Variants in CACNA1E observed in about 807,000 individuals in gnomAD.
CACNA1E encodes calcium voltage-gated channel subunit alpha1 E.
Under a neutral mutation model 259.2 loss-of-function variants are expected in CACNA1E, and 40 were observed. The observed-to-expected ratio is 0.15, with a 90% CI of 0.12 to 0.20. The LOEUF is 0.20. Among genes scored for constraint, CACNA1E ranks in the 10% least tolerant of loss-of-function variants. The pLI, the probability that CACNA1E is intolerant of heterozygous loss-of-function variation, is 1.00. For missense variants in CACNA1E, 1,874 were observed against 3,040.1 expected (o/e 0.62, Z 9.02); for synonymous variants, 1,104 against 1,138.5 (o/e 0.97, Z 0.61).
intron 1 of CACNA1E, among the ~76,000 whole-genome samples, chr1:181,406,903 A>T (rs189303140): frequency 6.6e-6 from 1 of 152,288 alleles, no homozygotes; most frequent in East Asian, 1.9e-4. Context: ...AGGCTTCTGT[A>T]GGGCAGGTTA....
At chr1:181,528,849 T>C (rs1339602398) in intron 3 of CACNA1E, among the ~76,000 whole-genome samples, 1 of 152,182 alleles carries the variant, frequency 6.6e-6, no homozygotes, top group Non-Finnish European at 1.5e-5. Flanking sequence ...CATTCTATTT[T>C]AAAAGGGAAA....
chr1:181,427,842 A>G (rs1392874452), intron 2 of CACNA1E, among the ~76,000 whole-genome samples: 1 of 146,956 alleles, frequency 6.8e-6, no homozygotes, highest in Non-Finnish European at 1.5e-5. Context: ...TATATTACAC[A>G]TATAGGTCTT....
chr1:181,388,565 T>C (rs765895033), intron 1 of CACNA1E, among the ~76,000 whole-genome samples: 3 of 152,102 alleles, frequency 2.0e-5, no homozygotes, highest in Non-Finnish European at 4.4e-5. Context: ...CTAATAAACA[T>C]ATATAAGCAT....
chr1:181,351,192 CT>C (rs1216348989), intron 1 of CACNA1E, among the ~76,000 whole-genome samples: 1 of 152,186 alleles, frequency 6.6e-6, no homozygotes, highest in Non-Finnish European at 1.5e-5. Context: ...ACGGGTAGGT[CT>C]GAGCTCCTTA....
intron 6 of CACNA1E, among the ~76,000 whole-genome samples, chr1:181,643,879 G>C (rs1558220376): frequency 1.3e-5 from 2 of 152,114 alleles, no homozygotes; most frequent in Admixed American, 1.3e-4. Flanking sequence ...ACTCATAACG[G>C]CCCCTGGCTA....
chr1:181,340,930 C>A (rs1238039000), intron 1 of CACNA1E, among the ~76,000 whole-genome samples: 1 of 152,144 alleles, frequency 6.6e-6, no homozygotes, highest in African/African-American at 2.4e-5. Context: ...TTGATCCTTA[C>A]AATTACCTTG....
chr1:181,530,898 T>C (rs529906768), intron 3 of CACNA1E, among the ~76,000 whole-genome samples: 1 of 152,288 alleles, frequency 6.6e-6, no homozygotes, highest in Admixed American at 6.5e-5. Flanking sequence ...TAGTCAGAAA[T>C]TTTGCAGCTT....
At chr1:181,403,931 A>G (rs557208941) in intron 1 of CACNA1E, among the ~76,000 whole-genome samples, 2 of 152,296 alleles carry the variant, frequency 1.3e-5, no homozygotes, top group South Asian at 2.1e-4. Context: ...CAGCGGTTTC[A>G]CAGTTTGCAT....
Position 181,732,849 on chromosome 1 carries a change from C to G in CACNA1E, c.2763C>G (p.Ser921Arg), listed in dbSNP as rs762305342. Residue 921 changes from serine to arginine, a missense_variant, in exon 20 of 48, where the codon AGC (serine) becomes AGG (arginine). Around this residue, in one of 14 missense-constraint regions of CACNA1E, gnomAD observed 476 missense variants for 514.0 expected, o/e 0.93. Transcript: ENST00000367573. The surrounding 1 kb of genome is among the most constrained non-coding windows in gnomAD (Gnocchi z 5.5). The part of the protein sequence containing the change: ...RARHRQSQRR[S>R]RHRRVRTEGK... ...GGCACAGGCAGAGCCAACGGCGCAGCCGGCATCGCCGCGTCAGGACAGAAG... is the reference window on the plus strand; with the variant it reads ...GGCACAGGCAGAGCCAACGGCGCAGGCGGCATCGCCGCGTCAGGACAGAAG... 6.2e-7 allele frequency: 1 copy of G among 1,613,638 alleles called. No homozygotes were observed. Among genetic ancestry groups the G allele is most frequent in the Admixed American group, 1.7e-5 (1 of 60,000 alleles).
chr1:181,603,985 A>C (rs964178870), intron 6 of CACNA1E, among the ~76,000 whole-genome samples: 1 of 152,084 alleles, frequency 6.6e-6, no homozygotes, highest in African/African-American at 2.4e-5. Flanking sequence ...CCTGTGACCC[A>C]CTGCCCTCTG....
At chr1:181,389,882 G>A (rs1656134225) in intron 1 of CACNA1E, among the ~76,000 whole-genome samples, 1 of 152,250 alleles carries the variant, frequency 6.6e-6, no homozygotes, top group Non-Finnish European at 1.5e-5. Flanking sequence ...GATACTTCAA[G>A]TGAAGACACA....
intron 1 of CACNA1E, among the ~76,000 whole-genome samples, chr1:181,409,438 G>A (rs1269103405): frequency 6.6e-6 from 1 of 152,204 alleles, no homozygotes; most frequent in Non-Finnish European, 1.5e-5. Flanking sequence ...CCTACTGTGT[G>A]CCCAAGAAGG....
At chr1:181,642,091 A>G (rs1657839992) in intron 6 of CACNA1E, among the ~76,000 whole-genome samples, 1 of 152,156 alleles carries the variant, frequency 6.6e-6, no homozygotes, top group South Asian at 2.1e-4. Flanking sequence ...AGTAGACAGA[A>G]CAGAAGAACT....
intron 6 of CACNA1E, among the ~76,000 whole-genome samples, chr1:181,629,264 C>A (rs199943): frequency 0.77 from 116,568 of 150,594 alleles, 45,676 homozygotes; most frequent in East Asian, 0.94. Context: ...GCAGCTGATG[C>A]TCTTTGCTTA....
chr1:181,360,370 G>A (rs1248606312), intron 1 of CACNA1E, among the ~76,000 whole-genome samples: 3 of 152,146 alleles, frequency 2.0e-5, no homozygotes, highest in Admixed American at 6.5e-5. Flanking sequence ...CTGATGAATG[G>A]ATAAACAAAA....
At chr1:181,765,846 C>A (rs1419435429) in intron 34 of CACNA1E, among the ~76,000 whole-genome samples, 3 of 152,224 alleles carry the variant, frequency 2.0e-5, no homozygotes, top group Non-Finnish European at 2.9e-5. Context: ...TGCCTCATAT[C>A]TCCTTGCCTT....
Position 181,799,091 on chromosome 1 carries a change from T to C in CACNA1E, c.*257T>C, listed in dbSNP as rs1662077501. The C allele has an allele frequency of 8.1e-6, 3 of 369,940 alleles. No homozygotes were observed. The highest frequency in any genetic ancestry group is 9.7e-6 in the Non-Finnish European group (2 of 206,816). The allele number at this position is 369,940 out of a possible 1,614,324, so 22.9% of individuals were successfully genotyped here. On this transcript the variant is annotated 3_prime_UTR_variant, in exon 48 of 48. Transcript: ENST00000367573. The stretch of plus-strand genomic sequence containing the variant: ...GGAAAGAAACCAGGAACGTGGAGGG[T>C]TATTACTGCGGGAGAAGGGACACGA...
chr1:181,727,593 A>G (rs529659532), intron 18 of CACNA1E, among the ~76,000 whole-genome samples: 1 of 152,332 alleles, frequency 6.6e-6, no homozygotes, highest in East Asian at 1.9e-4. Flanking sequence ...GTAGAGCTAC[A>G]GGTAGTCGGC....
intron 7 of CACNA1E, among the ~76,000 whole-genome samples, chr1:181,697,529 A>G (rs1466975577): frequency 6.6e-6 from 1 of 152,228 alleles, no homozygotes; most frequent in Non-Finnish European, 1.5e-5. Flanking sequence ...GCTGCAAAAA[A>G]TGGTTTTGCT....
Sources: gnomAD v4.1 joint callset for allele counts (sites outside exome capture counted in the v4.1 genomes callset) on GRCh38, gnomAD v4.1.1 for gene constraint, gnomAD v4.1.1 regional missense constraint, Gnocchi (gnomAD v3.1) non-coding constraint, MANE v1.5 for transcripts, NCBI Gene and HGNC (gene_info 2026-07-23, HGNC 2026-07-21) for gene names.